Variants in FOXP2 observed in about 807,000 individuals in gnomAD.
FOXP2 encodes forkhead box protein P2.
FOXP2 carries 12 observed loss-of-function variants against 115.8 expected under a neutral mutation model. That is an observed-to-expected ratio of 0.10 (90% CI 0.07 to 0.17). FOXP2 has a LOEUF of 0.17. Among genes scored for constraint, FOXP2 ranks in the 10% least tolerant of loss-of-function variants. The pLI, the probability that FOXP2 is intolerant of heterozygous loss-of-function variation, is 1.00. For synonymous variants in FOXP2, 328 were observed against 297.7 expected, an observed-to-expected ratio of 1.10 and a Z score of -1.05; for missense variants, 629 against 843.5, an observed-to-expected ratio of 0.75 and a Z score of 3.15.
chr7:114,628,827 T>C (rs1449584460), intron 4 of FOXP2, 150 bp downstream of exon 4: 3 of 918,068 alleles, frequency 3.3e-6, no homozygotes, highest in East Asian at 2.6e-5. Flanking sequence ...ATTTTAATTA[T>C]AGAACTCGTA....
intron 2 of FOXP2, among the ~76,000 whole-genome samples, chr7:114,490,007 A>T (rs1425321026): frequency 6.6e-6 from 1 of 152,132 alleles, no homozygotes; most frequent in Non-Finnish European, 1.5e-5. Flanking sequence ...GCCACTTCCG[A>T]AGTCAGTTTT....
intron 2 of FOXP2, among the ~76,000 whole-genome samples, chr7:114,396,315 A>T (rs1264182900): frequency 1.3e-5 from 2 of 152,112 alleles, no homozygotes; most frequent in African/African-American, 4.8e-5. Context: ...AATGACTTCC[A>T]GTTCCATCCA....
At chr7:114,224,962 C>T (rs1293759405) in intron 1 of FOXP2, among the ~76,000 whole-genome samples, 1 of 152,148 alleles carries the variant, frequency 6.6e-6, no homozygotes, top group African/African-American at 2.4e-5. Flanking sequence ...TTGCAGTTGA[C>T]AAGAGTCCTG....
chr7:114,546,815 A>G (rs550750021), intron 3 of FOXP2, among the ~76,000 whole-genome samples: 1 of 152,296 alleles, frequency 6.6e-6, no homozygotes, highest in East Asian at 1.9e-4. Context: ...TCAATCGCAG[A>G]CTCTAAATCT....
chr7:114,642,394 T>C lies in FOXP2; in HGVS notation c.776-16T>C. 1.2e-6 allele frequency: 2 copies of C among 1,609,258 alleles called. No individual in the cohort carries two copies. Among genetic ancestry groups the C allele is most frequent in the Non-Finnish European group, 1.7e-6 (2 of 1,176,058 alleles). On this transcript the variant is annotated splice_polypyrimidine_tract_variant and intron_variant, in intron 6 of 16. Coordinates refer to ENST00000350908, the MANE Select transcript of FOXP2 (RefSeq NM_014491.4). ...TTTACCTTGTTATGCTAGTGAAGCT[T>C]TCTTTCATTTTATAGCTGGCTTAAG...
At chr7:114,602,911 CT>C (rs1253925572) in intron 3 of FOXP2, among the ~76,000 whole-genome samples, 2 of 152,082 alleles carry the variant, frequency 1.3e-5, no homozygotes, top group East Asian at 3.9e-4. Flanking sequence ...AATTGTAATA[CT>C]GTAGACATTA....
chr7:114,551,519 AT>A (rs1464567067), intron 3 of FOXP2, among the ~76,000 whole-genome samples: 1 of 152,116 alleles, frequency 6.6e-6, no homozygotes, highest in Non-Finnish European at 1.5e-5. Flanking sequence ...GCTAGTCTTC[AT>A]TTTTCTGCCT....
chr7:114,664,469 G>A (rs1195426725), intron 16 of FOXP2, 33 bp downstream of exon 16: 27 of 1,611,874 alleles, frequency 1.7e-5, no homozygotes, highest in Non-Finnish European at 2.2e-5. Flanking sequence ...CTAAAGGGAA[G>A]AATCTATATT....
upstream of FOXP2, chr7:114,086,561 C>T: frequency 2.4e-6 from 1 of 412,162 alleles, no homozygotes. Flanking sequence ...TTCTGCCTCG[C>T]CGCCGCGGGT....
intron 1 of FOXP2, among the ~76,000 whole-genome samples, chr7:114,178,146 A>T (rs887563492): frequency 6.6e-6 from 1 of 151,926 alleles, no homozygotes; most frequent in Non-Finnish European, 1.5e-5. Flanking sequence ...GTAGGGAGAG[A>T]TGAAACATTC....
Position 114,690,796 on chromosome 7 carries a change from C to T in FOXP2, c.*870C>T. ...CCAAGAGCTCAAGGACAGAAGCAGC[C>T]ACATGCTTTGGTCAGCCTTCTGTAA... On this transcript the variant is annotated 3_prime_UTR_variant, in exon 17 of 17. Transcript: ENST00000350908. 2 of 454,498 alleles carry T rather than the reference C, an allele frequency of 4.4e-6. No homozygotes were observed. Among genetic ancestry groups the T allele is most frequent in the Non-Finnish European group, 8.8e-6 (2 of 226,768 alleles). 28.2% of individuals were successfully genotyped at this position (454,498 alleles called of 1,614,324 possible).
upstream of FOXP2, among the ~76,000 whole-genome samples, chr7:114,160,560 T>C (rs752384818): frequency 7.9e-5 from 12 of 152,180 alleles, no homozygotes; most frequent in Non-Finnish European, 1.6e-4. Context: ...AGATGATTAA[T>C]ACATAGTTCT....
chr7:114,268,120 C>G (rs778583321), intron 1 of FOXP2, among the ~76,000 whole-genome samples: 1 of 152,140 alleles, frequency 6.6e-6, no homozygotes, highest in Non-Finnish European at 1.5e-5. Context: ...TCCATGTAAA[C>G]AAGCATCAGG....
chr7:114,624,861 CTTA>C (rs1804459141), intron 3 of FOXP2, among the ~76,000 whole-genome samples: 3 of 151,154 alleles, frequency 2.0e-5, no homozygotes, highest in Admixed American at 2.0e-4. Context: ...TTTAATATCA[CTTA>C]TTAATAATAG....
chr7:114,530,291 C>T (rs1205588199), intron 2 of FOXP2, among the ~76,000 whole-genome samples: 3 of 151,864 alleles, frequency 2.0e-5, no homozygotes, highest in Non-Finnish European at 4.4e-5. Context: ...TGAATATCAA[C>T]ATCAAATATG....
At chr7:114,304,025 T>C (rs995188704) in intron 2 of FOXP2, among the ~76,000 whole-genome samples, 4 of 152,146 alleles carry the variant, frequency 2.6e-5, no homozygotes, top group Admixed American at 6.5e-5. Context: ...CAATTATAAT[T>C]AGATAACATA....
intron 2 of FOXP2, among the ~76,000 whole-genome samples, chr7:114,476,826 G>A (rs7783012): frequency 0.64 from 97,259 of 151,792 alleles, 32,387 homozygotes; most frequent in African/African-American, 0.83. Context: ...TCCTTGTACA[G>A]ATCTTTCACC....
intron 2 of FOXP2, among the ~76,000 whole-genome samples, chr7:114,485,962 C>T (rs975397506): frequency 1.3e-5 from 2 of 152,166 alleles, no homozygotes; most frequent in Non-Finnish European, 2.9e-5. Flanking sequence ...ATAGTCTCCT[C>T]ATTTGCAAAA....
Position 114,248,180 on chromosome 7 carries a change from CAGAGAG to C in FOXP2, c.-101-39811_-101-39806del, listed in dbSNP as rs71314647. 4.5e-3 allele frequency among the ~76,000 whole-genome samples: 657 copies of C among 146,030 alleles called. 4 individuals carry two copies. The highest frequency in any genetic ancestry group is 0.012 in the African/African-American group (488 of 39,658). On this transcript the variant is annotated intron_variant, in intron 1 of 17. Transcript: ENST00000634411. The stretch of plus-strand genomic sequence containing the variant: ...GAAGACCAGTGTCCCAGCTTAAAAA[CAGAGAG>C]AGAGAGAGAGAGAGAGAGAGAGAGA...
Sources: gnomAD v4.1 joint callset for allele counts (sites outside exome capture counted in the v4.1 genomes callset) on GRCh38, gnomAD v4.1.1 for gene constraint, MANE v1.5 for transcripts, NCBI Gene and HGNC (gene_info 2026-07-23, HGNC 2026-07-21) for gene names.